Variants in GMDS observed in about 807,000 individuals in gnomAD.
GMDS encodes GDP-mannose 4,6-dehydratase.
Under a neutral mutation model 49.9 loss-of-function variants are expected in GMDS, and 20 were observed. The ratio of observed to expected loss-of-function variants is 0.40; its 90% CI spans 0.28 to 0.58. GMDS has a LOEUF of 0.58. GMDS is among the 20% of genes least tolerant of loss of function. The pLI, the probability that GMDS is intolerant of heterozygous loss-of-function variation, is 0.42. For synonymous variants in GMDS, 177 were observed against 178.6 expected (o/e 0.99, Z 0.07); for missense variants, 362 against 481.4 (o/e 0.75, Z 2.32).
chr6:2,065,257 C>G (rs1771492250), intron 4 of GMDS, among the ~76,000 whole-genome samples: 1 of 144,896 alleles, frequency 6.9e-6, no homozygotes, highest in South Asian at 2.2e-4. Context: ...GACATCCACA[C>G]CAAAAACCCA....
intron 9 of GMDS, among the ~76,000 whole-genome samples, chr6:1,667,115 C>T (rs1312919778): frequency 6.6e-6 from 1 of 152,198 alleles, no homozygotes; most frequent in African/African-American, 2.4e-5. Flanking sequence ...GGACAGCTGT[C>T]TTTGAGAGTG....
intron 6 of GMDS, among the ~76,000 whole-genome samples, chr6:1,955,661 G>A (rs548959201): frequency 6.6e-6 from 1 of 151,832 alleles, no homozygotes; most frequent in Admixed American, 6.6e-5. Context: ...ATTTCCAACT[G>A]TTGATCTGAT....
chr6:1,931,232 TGCAGATGAA>T (rs1762270130), intron 6 of GMDS, among the ~76,000 whole-genome samples: 2 of 152,232 alleles, frequency 1.3e-5, no homozygotes, highest in African/African-American at 4.8e-5. Flanking sequence ...TATGTTCTTT[TGCAGATGAA>T]GCAGGGAGGC....
chr6:2,162,517 G>A (rs1777451176), intron 1 of GMDS, among the ~76,000 whole-genome samples: 1 of 152,142 alleles, frequency 6.6e-6, no homozygotes, highest in South Asian at 2.1e-4. Flanking sequence ...GAAAAAAGGA[G>A]TAGACCTTAT....
intron 9 of GMDS, among the ~76,000 whole-genome samples, chr6:1,668,484 C>T (rs899577557): frequency 1.4e-4 from 22 of 152,112 alleles, no homozygotes; most frequent in African/African-American, 4.3e-4. Context: ...CCAAGGCAGG[C>T]GGATCACCTG....
intron 1 of GMDS, among the ~76,000 whole-genome samples, chr6:2,192,135 T>C (rs1341987418): frequency 6.6e-6 from 1 of 152,134 alleles, no homozygotes; most frequent in East Asian, 1.9e-4. Context: ...CCACCCACTC[T>C]AGGGCCTCCT....
At chr6:2,205,854 A>C (rs1303170534) in intron 1 of GMDS, among the ~76,000 whole-genome samples, 2 of 152,154 alleles carry the variant, frequency 1.3e-5, no homozygotes, top group East Asian at 3.9e-4. Flanking sequence ...CAATTTCTTT[A>C]ATAGATATGC....
chr6:1,675,687 C>T (rs909756148), intron 9 of GMDS, among the ~76,000 whole-genome samples: 2 of 151,990 alleles, frequency 1.3e-5, no homozygotes, highest in Admixed American at 6.5e-5. Context: ...CCCATCTCTA[C>T]TAAAAATATA....
chr6:2,149,528 G>T (rs1776741724), intron 1 of GMDS, among the ~76,000 whole-genome samples: 1 of 152,182 alleles, frequency 6.6e-6, no homozygotes, highest in South Asian at 2.1e-4. Context: ...TCCATTAAAA[G>T]AAACTAGGCA....
intron 1 of GMDS, among the ~76,000 whole-genome samples, chr6:2,165,553 T>G (rs1334952005): frequency 6.6e-6 from 1 of 152,218 alleles, no homozygotes; most frequent in East Asian, 1.9e-4. Context: ...CCAACACAAA[T>G]GTTAGCCTCA....
intron 9 of GMDS, among the ~76,000 whole-genome samples, chr6:1,683,539 G>A (rs1007759485): frequency 7.9e-5 from 12 of 152,154 alleles, no homozygotes; most frequent in Admixed American, 2.6e-4. Context: ...CAGGAATCCC[G>A]GGTCTGATGC....
intron 6 of GMDS, among the ~76,000 whole-genome samples, chr6:1,948,177 A>T (rs1763178036): frequency 6.6e-6 from 1 of 152,214 alleles, no homozygotes; most frequent in African/African-American, 2.4e-5. Flanking sequence ...TATGTAGTAG[A>T]ACCTAGACTG....
At chr6:1,684,589 A>AT (rs1764908424) in intron 9 of GMDS, among the ~76,000 whole-genome samples, 1 of 152,178 alleles carries the variant, frequency 6.6e-6, no homozygotes. Context: ...GGCCAGCACA[A>AT]AAGACACATA....
At chr6:1,693,323 T>C (rs1765236734) in intron 9 of GMDS, among the ~76,000 whole-genome samples, 1 of 152,224 alleles carries the variant, frequency 6.6e-6, no homozygotes. Flanking sequence ...TGCAGATCTC[T>C]GGAGCAATCA....
At chr6:2,085,512 G>C (rs771968281) in intron 4 of GMDS, among the ~76,000 whole-genome samples, 5 of 152,018 alleles carry the variant, frequency 3.3e-5, no homozygotes, top group Non-Finnish European at 7.4e-5. Context: ...TTGCACATCA[G>C]TCTCCTCGGA....
intron 8 of GMDS, among the ~76,000 whole-genome samples, chr6:1,732,345 A>T (rs1193921396): frequency 1.3e-5 from 2 of 152,210 alleles, no homozygotes; most frequent in Non-Finnish European, 1.5e-5. Flanking sequence ...ACAAATAAAA[A>T]TAAAAAAAGA....
At chr6:1,983,502 T>C (rs1475018076) in intron 4 of GMDS, among the ~76,000 whole-genome samples, 2 of 151,898 alleles carry the variant, frequency 1.3e-5, no homozygotes. Context: ...CTAACATCCA[T>C]CATCCATTAG....
At chr6:2,194,990 T>G (rs1779218196) in intron 1 of GMDS, among the ~76,000 whole-genome samples, 1 of 152,232 alleles carries the variant, frequency 6.6e-6, no homozygotes, top group South Asian at 2.1e-4. Context: ...CAGCCTGTAC[T>G]TTGCTAAAAA....
chr6:1,678,486 T>A (rs1478968877), intron 9 of GMDS, among the ~76,000 whole-genome samples: 1 of 152,220 alleles, frequency 6.6e-6, no homozygotes. Flanking sequence ...ATTTTCAGTG[T>A]GTTTGGCTTT....
Sources: allele counts gnomAD v4.1 joint callset (sites outside exome capture counted in the v4.1 genomes callset), GRCh38; gene constraint gnomAD v4.1.1; transcripts MANE v1.5; gene names NCBI Gene and HGNC (gene_info 2026-07-23, HGNC 2026-07-21).